The following CBX1 variants were observed in gnomAD, a reference collection of about 807,000 sequenced individuals.
The protein encoded by CBX1 is chromobox 1, also known as chromobox protein homolog 1.
A neutral mutation model predicts 25.1 loss-of-function variants in CBX1; 10 were observed. The ratio of observed to expected loss-of-function variants is 0.40; its 90% CI spans 0.25 to 0.68. The LOEUF (loss-of-function observed/expected upper bound fraction) is 0.68. Ranked by LOEUF, CBX1 falls within the 30% of genes least tolerant of loss-of-function variation. CBX1 has a pLI of 0.40. For synonymous variants in CBX1, 63 were observed against 79.4 expected (o/e 0.79, Z 1.10); for missense variants, 106 against 218.5 (o/e 0.49, Z 3.25).
At chr17:48,082,921 C>T (rs1271893131) in intron 1 of CBX1, among the ~76,000 whole-genome samples, 1 of 144,582 alleles carries the variant, frequency 6.9e-6, no homozygotes, top group Non-Finnish European at 1.5e-5. Flanking sequence ...GGCTGGAGTG[C>T]AACAACGCGA....
At chr17:48,096,048 T>C (rs752701787) in intron 1 of CBX1, among the ~76,000 whole-genome samples, 5 of 152,134 alleles carry the variant, frequency 3.3e-5, no homozygotes, top group African/African-American at 4.8e-5. Flanking sequence ...GCCCAGCTAA[T>C]TGTGTATTTT....
At position 48,074,144 on chromosome 17, in the gene CBX1, T is replaced by C. The variant is rs1025146393; in HGVS notation, c.413+862A>G. Among the ~76,000 whole-genome samples the C allele has an allele frequency of 9.2e-5, 14 of 152,300 alleles. 3 individuals are homozygous for C. The highest frequency in any genetic ancestry group is 8.5e-4 in the Admixed American group (13 of 15,290). On this transcript the variant is annotated intron_variant, in intron 4 of 4. Coordinates refer to ENST00000225603, the MANE Select transcript of CBX1 (RefSeq NM_001127228.2). ...TAAAGTTAGGCCCCTCCAGCCATACTGTAAAAGAGGATAATTAGTACAGAC... is the reference window on the plus strand; with the variant it reads ...TAAAGTTAGGCCCCTCCAGCCATACCGTAAAAGAGGATAATTAGTACAGAC...
rs567164545 is a variant in CBX1 at position 48,085,912 on chromosome 17, CA to C, written c.-37-8872del. On this transcript the variant is annotated intron_variant, in intron 1 of 4. Coordinates refer to ENST00000225603, the MANE Select transcript of CBX1 (RefSeq NM_001127228.2). The stretch of plus-strand genomic sequence containing the variant: ...CGAAACCTCGTCTCTACTAAAAATA[CA>C]AAAAAAATAGGCTGGTCACGGTGGC... 2.8e-3 allele frequency among the ~76,000 whole-genome samples: 423 copies of C among 151,696 alleles called. 9 individuals carry two copies. The highest frequency in any genetic ancestry group is 0.026 in the Admixed American group (401 of 15,206).
rs1323073707 is a variant in CBX1, at chr17:48,070,613, C to T, written c.*822G>A. The T allele has an allele frequency of 4.6e-5, 7 of 152,748 alleles. No individual in the cohort carries two copies. Among genetic ancestry groups the T allele is most frequent in the South Asian group, 2.1e-4 (1 of 4,820 alleles). The allele number at this position is 152,748 out of a possible 1,614,324, so 9.5% of individuals were successfully genotyped here. ...TGGAAAAGAAAGGGTCTTCTAATTT[C>T]GGGAATTAGCACCTCTAAGGCAGAA... On this transcript the variant is annotated 3_prime_UTR_variant, in exon 5 of 5. Transcript: ENST00000225603.
chr17:48,101,474 C>T lies in CBX1; in HGVS notation c.-244G>A. The T allele has an allele frequency of 6.1e-6, 6 of 985,690 alleles. No homozygotes were observed. In the African/African-American group the frequency reaches 1.0e-4, roughly 17 times the overall value. 61.1% of individuals were successfully genotyped at this position (985,690 alleles called of 1,614,324 possible). ...GCCTCGCAGTCTGCGCTGCCCGCCG[C>T]TCGCACCGCGCAGGCGCAACGACCC... On this transcript the variant is annotated 5_prime_UTR_variant, in exon 1 of 5. Coordinates refer to ENST00000225603, the MANE Select transcript of CBX1 (RefSeq NM_001127228.2).
chr17:48,101,150 G>C (rs926276603), intron 1 of CBX1, 118 bp downstream of exon 1: 18 of 986,482 alleles, frequency 1.8e-5, no homozygotes, highest in Non-Finnish European at 2.0e-5. Context: ...CGCTGGACCC[G>C]GGCGCGCTCC....
intron 1 of CBX1, among the ~76,000 whole-genome samples, chr17:48,092,139 C>A (rs546866712): frequency 1.3e-5 from 2 of 150,076 alleles, no homozygotes; most frequent in South Asian, 2.1e-4. Context: ...TACAGGCATG[C>A]GCCACCATGC....
chr17:48,086,526 A>G (rs1160881022), intron 1 of CBX1, among the ~76,000 whole-genome samples: 1 of 152,216 alleles, frequency 6.6e-6, no homozygotes, highest in Non-Finnish European at 1.5e-5. Flanking sequence ...CTAAACCAGT[A>G]GGGTTTCTAG....
intron 1 of CBX1, among the ~76,000 whole-genome samples, chr17:48,097,022 G>A (rs1235213700): frequency 6.6e-6 from 1 of 151,940 alleles, no homozygotes; most frequent in African/African-American, 2.4e-5. Flanking sequence ...GGCCAAGGAG[G>A]GTGGATCACC....
intron 1 of CBX1, among the ~76,000 whole-genome samples, chr17:48,098,739 T>C (rs2063389858): frequency 6.6e-6 from 1 of 152,216 alleles, no homozygotes; most frequent in Admixed American, 6.5e-5. Context: ...ATTAGCCTTC[T>C]ACACCAGAAA....
rs531209335 is a variant in CBX1 at position 48,100,735 on chromosome 17, T to C, written c.-38+533A>G. 3.1e-5 allele frequency: 31 copies of C among 984,526 alleles called. No homozygotes were observed. In the Admixed American group the frequency reaches 8.0e-4, roughly 26 times the overall value. The allele number at this position is 984,526 out of a possible 1,614,324, so 61.0% of individuals were successfully genotyped here. On this transcript the variant is annotated intron_variant, in intron 1 of 4. Transcript: ENST00000225603. ...CCTTTCCCAATTTATTCCACACATC[T>C]CCTCCTCCAATCAGCACACCTTGTG...
Position 48,075,941 on chromosome 17 carries a change from A to C in CBX1, c.318+60T>G, listed in dbSNP as rs772393776. 4 of 1,358,094 alleles carry C rather than the reference A, an allele frequency of 2.9e-6. No individual in the cohort carries two copies. In the African/African-American group the frequency reaches 5.8e-5, roughly 20 times the overall value. 84.1% of individuals were successfully genotyped at this position (1,358,094 alleles called of 1,614,324 possible). ...CTAATATCAGGGAAGAAGCAGAACA[A>C]AACTACTTTGACAGTAGTTTGAATT... On this transcript the variant is annotated intron_variant, in intron 3 of 4. Transcript: ENST00000225603.
In CBX1 at chr17:48,070,157, A is replaced by C. The variant is rs1246228773; in HGVS notation, c.*1278T>G. 6.6e-6 allele frequency: 1 copy of C among 152,658 alleles called. No individual in the cohort carries two copies. Among genetic ancestry groups the C allele is most frequent in the Non-Finnish European group, 1.5e-5 (1 of 68,052 alleles). 9.5% of individuals were successfully genotyped at this position (152,658 alleles called of 1,614,324 possible). On this transcript the variant is annotated 3_prime_UTR_variant, in exon 5 of 5. Transcript: ENST00000225603. ...CAGAAATCTAACACATGCCTAAAAGAATTTTACAACGTAGCTCTAGATGCA... is the reference window on the plus strand; with the variant it reads ...CAGAAATCTAACACATGCCTAAAAGCATTTTACAACGTAGCTCTAGATGCA...
chr17:48,087,886 A>AG (rs969890892), intron 1 of CBX1, among the ~76,000 whole-genome samples: 2 of 151,936 alleles, frequency 1.3e-5, no homozygotes, highest in East Asian at 1.9e-4. Flanking sequence ...AAAAAAAAAA[A>AG]AAAAGAAAAC....
Position 48,083,597 on chromosome 17 carries a change from C to T in CBX1, c.-37-6556G>A, listed in dbSNP as rs79825088. Among the ~76,000 whole-genome samples the T allele has an allele frequency of 1.1e-4, 16 of 150,374 alleles. 1 individual carries two copies. In the East Asian group the frequency reaches 2.3e-3, roughly 22 times the overall value. On this transcript the variant is annotated intron_variant, in intron 1 of 4. Coordinates refer to ENST00000225603, the MANE Select transcript of CBX1 (RefSeq NM_001127228.2). Reference sequence around the variant, plus strand: ...CAGTAATTTGGGAGGCCGAGGTGAGCGGATCACTTGAGGTCAGGAGTTCGA... The same window carrying T: ...CAGTAATTTGGGAGGCCGAGGTGAGTGGATCACTTGAGGTCAGGAGTTCGA...
At chr17:48,096,248 C>A in intron 1 of CBX1, 2 of 523,014 alleles carry the variant, frequency 3.8e-6, no homozygotes, top group Non-Finnish European at 4.9e-6. Context: ...TGCTGGTGTG[C>A]GAATACATTT....
intron 4 of CBX1, among the ~76,000 whole-genome samples, chr17:48,074,398 G>C (rs773037302): frequency 6.6e-6 from 1 of 152,230 alleles, no homozygotes; most frequent in Non-Finnish European, 1.5e-5. Flanking sequence ...AAATTACAGA[G>C]ATTGTTGGGA....
intron 1 of CBX1, among the ~76,000 whole-genome samples, chr17:48,080,064 A>G: frequency 6.6e-6 from 1 of 151,794 alleles, no homozygotes; most frequent in Non-Finnish European, 1.5e-5. Flanking sequence ...GGGGAGGGGG[A>G]CACAGTCTCC....
chr17:48,096,158 C>T (rs1037575445), intron 1 of CBX1, among the ~76,000 whole-genome samples: 6 of 152,168 alleles, frequency 3.9e-5, no homozygotes, highest in Admixed American at 6.6e-5. Context: ...GTATTATAGG[C>T]GTGAGCCATC....
Sources: allele counts gnomAD v4.1 joint callset (sites outside exome capture counted in the v4.1 genomes callset), GRCh38; gene constraint gnomAD v4.1.1; transcripts MANE v1.5; gene names NCBI Gene and HGNC (gene_info 2026-07-23, HGNC 2026-07-21).